The following PDE1C variants were observed in gnomAD, a reference collection of about 807,000 sequenced individuals.
PDE1C encodes dual specificity calcium/calmodulin-dependent 3',5'-cyclic nucleotide phosphodiesterase 1C.
Under a neutral mutation model 93.1 loss-of-function variants are expected in PDE1C, and 62 were observed. The ratio of observed to expected loss-of-function variants is 0.67; its 90% CI spans 0.54 to 0.82. The LOEUF (loss-of-function observed/expected upper bound fraction) is 0.82. Among genes scored for constraint, PDE1C ranks in the 40% least tolerant of loss-of-function variants. The probability of loss-of-function intolerance (pLI) is 0.00; values close to 1 mark genes in which losing one functional copy is unlikely to be tolerated. For synonymous variants in PDE1C, 325 were observed against 310.1 expected, an observed-to-expected ratio of 1.05 and a Z score of -0.50; for missense variants, 742 against 884.6, an observed-to-expected ratio of 0.84 and a Z score of 2.04.
At chr7:31,877,037 C>T (rs1325346878) in intron 5 of PDE1C, among the ~76,000 whole-genome samples, 1 of 152,146 alleles carries the variant, frequency 6.6e-6, no homozygotes, top group African/African-American at 2.4e-5. Flanking sequence ...AATTTAGCTT[C>T]TGAAAATATC....
chr7:32,137,258 A>T (rs1037929146), intron 3 of PDE1C, among the ~76,000 whole-genome samples: 4 of 152,190 alleles, frequency 2.6e-5, no homozygotes, highest in African/African-American at 9.7e-5. Context: ...GCAATCTAAA[A>T]ATAGACCAAG....
intron 1 of PDE1C, among the ~76,000 whole-genome samples, chr7:32,369,476 C>CA (rs959664417): frequency 2.0e-5 from 3 of 151,422 alleles, no homozygotes; most frequent in Admixed American, 6.6e-5. Context: ...ATCAAAAGGA[C>CA]AAAAAAAATA....
At chr7:32,357,923 T>A (rs557491783) in intron 1 of PDE1C, among the ~76,000 whole-genome samples, 5 of 152,278 alleles carry the variant, frequency 3.3e-5, no homozygotes, top group Admixed American at 1.3e-4. Flanking sequence ...AGACTCAAAG[T>A]GTTCATGAGT....
chr7:32,306,125 G>A (rs79588700), intron 1 of PDE1C, among the ~76,000 whole-genome samples: 5 of 152,236 alleles, frequency 3.3e-5, no homozygotes, highest in East Asian at 3.9e-4. Flanking sequence ...CATGTAAGAC[G>A]TGCCTTTCAC....
At chr7:32,116,669 C>T (rs2128760520) in intron 3 of PDE1C, among the ~76,000 whole-genome samples, 1 of 152,230 alleles carries the variant, frequency 6.6e-6, no homozygotes, top group African/African-American at 2.4e-5. Flanking sequence ...GTGCAGTAAC[C>T]TTGAAAATCT....
chr7:32,410,720 C>T (rs550758876), intron 1 of PDE1C, among the ~76,000 whole-genome samples: 2 of 152,234 alleles, frequency 1.3e-5, no homozygotes, highest in East Asian at 1.9e-4. Context: ...CCTGCTCCTC[C>T]GCTTCCCGGA....
intron 2 of PDE1C, among the ~76,000 whole-genome samples, chr7:32,201,395 C>A (rs1341801415): frequency 6.6e-6 from 1 of 152,158 alleles, no homozygotes; most frequent in Non-Finnish European, 1.5e-5. Flanking sequence ...AAAAAAAATT[C>A]TATTCATATT....
At chr7:32,353,980 G>T (rs1197454342) in intron 1 of PDE1C, among the ~76,000 whole-genome samples, 2 of 152,092 alleles carry the variant, frequency 1.3e-5, no homozygotes, top group African/African-American at 2.4e-5. Context: ...CTGAGAGAAG[G>T]CCCCAGTCCA....
intron 2 of PDE1C, among the ~76,000 whole-genome samples, chr7:31,992,934 G>A (rs1393757186): frequency 6.6e-6 from 1 of 152,094 alleles, no homozygotes; most frequent in Non-Finnish European, 1.5e-5. Flanking sequence ...ATTTTATATG[G>A]AACATAATGA....
rs867453972 is a variant in PDE1C, at chr7:31,855,711, T to C, written c.751-4970A>G. Among the ~76,000 whole-genome samples, 72 of 87,142 alleles carry C rather than the reference T, an allele frequency of 8.3e-4. 1 individual carries two copies. The highest frequency in any genetic ancestry group is 3.0e-3 in the African/African-American group (68 of 22,928). The allele number at this position is 87,142 out of a possible 152,430, so 57.2% of individuals were successfully genotyped here. A position where few individuals can be genotyped will look rare whatever the true frequency, so the allele number is the denominator to read the frequency against. On this transcript the variant is annotated intron_variant, in intron 7 of 17. Coordinates refer to ENST00000396191, the MANE Select transcript of PDE1C (RefSeq NM_001191057.4). ...CCAAAAAAATAAAAAATAAAATAAATAAAAAATAAAAATAAAAAAATAAAA... is the reference window on the plus strand; with the variant it reads ...CCAAAAAAATAAAAAATAAAATAAACAAAAAATAAAAATAAAAAAATAAAA...
intron 2 of PDE1C, among the ~76,000 whole-genome samples, chr7:32,201,989 C>T (rs1234025891): frequency 2.0e-5 from 3 of 152,166 alleles, no homozygotes; most frequent in African/African-American, 7.2e-5. Context: ...GGAAAGCAAT[C>T]GACAGAGGTA....
intron 2 of PDE1C, among the ~76,000 whole-genome samples, chr7:31,986,541 T>G (rs1174752905): frequency 6.6e-6 from 1 of 152,182 alleles, no homozygotes; most frequent in Non-Finnish European, 1.5e-5. Context: ...AGGATCCAGA[T>G]GAGCTCATAT....
chr7:32,113,048 G>A (rs2128757508), intron 3 of PDE1C, among the ~76,000 whole-genome samples: 1 of 149,148 alleles, frequency 6.7e-6, no homozygotes, highest in South Asian at 2.1e-4. Context: ...CTAGAAGGAA[G>A]GTAAGTGCAT....
rs76681975 is a variant in PDE1C, at chr7:32,013,142, G to A, written c.128+38412C>T. Among the ~76,000 whole-genome samples, 413 of 152,184 alleles carry A rather than the reference G, an allele frequency of 2.7e-3. 3 individuals carry two copies. The highest frequency in any genetic ancestry group is 0.015 in the East Asian group (76 of 5,168). On this transcript the variant is annotated intron_variant, in intron 2 of 17. Coordinates refer to ENST00000396191, the MANE Select transcript of PDE1C (RefSeq NM_001191057.4). ...TGTTTCAGATAGTGTTAATATACACGAGCTCTGATAAGGTAAAGAGTGCAC... is the reference window on the plus strand; with the variant it reads ...TGTTTCAGATAGTGTTAATATACACAAGCTCTGATAAGGTAAAGAGTGCAC...
chr7:32,190,910 G>T (rs1804189139), intron 2 of PDE1C, among the ~76,000 whole-genome samples: 1 of 152,198 alleles, frequency 6.6e-6, no homozygotes, highest in Admixed American at 6.5e-5. Flanking sequence ...TTTGAGAAAT[G>T]AGTGGGTTTT....
chr7:31,673,282 T>A, the PDE1C span, among the ~76,000 whole-genome samples: 3 of 152,186 alleles, frequency 2.0e-5, no homozygotes, highest in African/African-American at 7.2e-5. Context: ...TTTATGAAGT[T>A]GAAAGTGTAA....
chr7:32,211,732 T>C (rs367632530), intron 1 of PDE1C, among the ~76,000 whole-genome samples: 7 of 151,978 alleles, frequency 4.6e-5, no homozygotes, highest in Admixed American at 3.3e-4. Flanking sequence ...AAGAAAGAAA[T>C]AGAGCTGGGT....
intron 2 of PDE1C, among the ~76,000 whole-genome samples, chr7:32,202,930 C>A (rs1014312955): frequency 6.6e-6 from 1 of 152,076 alleles, no homozygotes; most frequent in Non-Finnish European, 1.5e-5. Flanking sequence ...TACAGCAGGT[C>A]TCCACATCTT....
chr7:31,697,750 G>GA, the PDE1C span, among the ~76,000 whole-genome samples: 1 of 152,122 alleles, frequency 6.6e-6, no homozygotes, highest in Non-Finnish European at 1.5e-5. Flanking sequence ...TGACGGAGGG[G>GA]AAAATATGCT....
Sources: gnomAD v4.1 joint callset for allele counts (sites outside exome capture counted in the v4.1 genomes callset) on GRCh38, gnomAD v4.1.1 for gene constraint, MANE v1.5 for transcripts, NCBI Gene and HGNC (gene_info 2026-07-23, HGNC 2026-07-21) for gene names.